OSBPL10: variants seen among roughly 807,000 people sequenced by gnomAD.
OSBPL10 encodes oxysterol binding protein like 10, also known as oxysterol-binding protein-related protein 10.
In OSBPL10, 49 loss-of-function variants were observed where a neutral mutation model predicts 81.7. That is an observed-to-expected ratio of 0.60 (90% CI 0.48 to 0.76). The LOEUF (loss-of-function observed/expected upper bound fraction) is 0.76. Among genes scored for constraint, OSBPL10 ranks in the 30% least tolerant of loss-of-function variants. OSBPL10 has a pLI of 0.00. For synonymous variants in OSBPL10, 419 were observed against 383.6 expected (o/e 1.09, Z -1.08); for missense variants, 923 against 987.8 (o/e 0.93, Z 0.88).
Position 31,990,905 on chromosome 3 carries a change from G to T in OSBPL10, n.298+55586C>A, listed in dbSNP as rs4955216. 0.22 allele frequency: 350,719 copies of T among 1,573,916 alleles called. 51,062 individuals are homozygous for T. The highest frequency in any genetic ancestry group is 0.7 in the African/African-American group (51,449 of 73,828). On this transcript the variant is annotated intron_variant and non_coding_transcript_variant, in intron 2 of 3. Transcript: ENST00000479173. The stretch of plus-strand genomic sequence containing the variant: ...AAAGCCTTTACTTCACATTCACATC[G>T]CATTAGACATCAGAGAATCCATACC...
chr3:31,715,350 T>A (rs1450739272), intron 6 of OSBPL10, among the ~76,000 whole-genome samples: 1 of 152,174 alleles, frequency 6.6e-6, no homozygotes, highest in Non-Finnish European at 1.5e-5. Context: ...TTTGATGGCC[T>A]CCCAATCAAT....
At chr3:31,804,368 C>T (rs1479673186) in intron 4 of OSBPL10, among the ~76,000 whole-genome samples, 1 of 152,238 alleles carries the variant, frequency 6.6e-6, no homozygotes, top group East Asian at 1.9e-4. Context: ...GGTTAAAAAA[C>T]CCTGCTTGAG....
intron 6 of OSBPL10, among the ~76,000 whole-genome samples, chr3:31,732,187 G>C (rs1202348134): frequency 6.6e-6 from 1 of 152,158 alleles, no homozygotes; most frequent in East Asian, 1.9e-4. Context: ...TACATACAGA[G>C]CAAATGCCTT....
rs545308913 is a variant in OSBPL10, at chr3:31,867,916, T to C, written c.537+8517A>G. Among the ~76,000 whole-genome samples the C allele has an allele frequency of 1.0e-3, 152 of 152,282 alleles. 1 individual carries two copies. Among genetic ancestry groups the C allele is most frequent in the South Asian group, 1.7e-3 (8 of 4,820 alleles). Reference sequence around the variant, plus strand: ...GAAACAGGTCCCCAACTGAACACTCTCACAGTCACTTTAAAAATAAAACAG... The same window carrying C: ...GAAACAGGTCCCCAACTGAACACTCCCACAGTCACTTTAAAAATAAAACAG... On this transcript the variant is annotated intron_variant, in intron 3 of 11. Coordinates refer to ENST00000396556, the MANE Select transcript of OSBPL10 (RefSeq NM_017784.5).
At chr3:31,799,379 TAAAAAAAAAAAA>T (rs61157535) in intron 4 of OSBPL10, among the ~76,000 whole-genome samples, 14 of 56,214 alleles carry the variant, frequency 2.5e-4, no homozygotes, top group East Asian at 1.3e-3. Context: ...CCTATCTCTT[TAAAAAAAAAAAA>T]AAAAAAAAAA....
chr3:31,862,948 C>T (rs1701094304), intron 3 of OSBPL10, among the ~76,000 whole-genome samples: 1 of 152,122 alleles, frequency 6.6e-6, no homozygotes, highest in Non-Finnish European at 1.5e-5. Flanking sequence ...AACAAACTCA[C>T]ACAAAAACTG....
chr3:31,799,011 C>T (rs753287392), intron 4 of OSBPL10, among the ~76,000 whole-genome samples: 24 of 152,236 alleles, frequency 1.6e-4, no homozygotes, highest in Non-Finnish European at 1.8e-4. Flanking sequence ...GCTGATTCAC[C>T]GCTCACCTCC....
In OSBPL10 at chr3:31,744,679, C is replaced by A. The variant is rs1445119907; in HGVS notation, c.940+3231G>T. On this transcript the variant is annotated intron_variant, in intron 5 of 11. Transcript: ENST00000396556. ...TTTTAGGGACACTTCTTGGTCTCCC[C>A]TTTTCCCAATAATTTCCATTTCAAC... 2.0e-5 allele frequency among the ~76,000 whole-genome samples: 3 copies of A among 151,934 alleles called. No individual in the cohort carries two copies. The East Asian group carries it at 5.8e-4, about 29-fold the overall frequency.
chr3:31,985,196 A>G (rs549196334), upstream of OSBPL10, among the ~76,000 whole-genome samples: 1 of 152,332 alleles, frequency 6.6e-6, no homozygotes, highest in South Asian at 2.1e-4. Flanking sequence ...CCAAGATCAC[A>G]CCATTGCACT....
chr3:31,754,104 T>C (rs1697809257), intron 4 of OSBPL10, among the ~76,000 whole-genome samples: 1 of 152,044 alleles, frequency 6.6e-6, no homozygotes, highest in Admixed American at 6.6e-5. Context: ...CGCCCTTTAA[T>C]TCCCAGCCTA....
At chr3:31,799,941 C>G (rs1455539276) in intron 4 of OSBPL10, among the ~76,000 whole-genome samples, 3 of 152,212 alleles carry the variant, frequency 2.0e-5, no homozygotes. Flanking sequence ...AACTCCTGAC[C>G]TCATGATCCG....
upstream of OSBPL10, among the ~76,000 whole-genome samples, chr3:31,984,023 GTTTTT>G (rs145467997): frequency 2.0e-5 from 3 of 151,156 alleles, no homozygotes; most frequent in East Asian, 2.0e-4. Flanking sequence ...AGCCTAAGGG[GTTTTT>G]TTTGTTTTTG....
chr3:31,728,594 A>G (rs1323923842), intron 6 of OSBPL10, among the ~76,000 whole-genome samples: 1 of 152,252 alleles, frequency 6.6e-6, no homozygotes, highest in Non-Finnish European at 1.5e-5. Context: ...GGAATGCCTT[A>G]GAATGATTCA....
chr3:31,809,940 C>T (rs890747263), intron 4 of OSBPL10, among the ~76,000 whole-genome samples: 16 of 138,322 alleles, frequency 1.2e-4, no homozygotes, highest in East Asian at 2.2e-4. Flanking sequence ...GGAGTGATCT[C>T]GGTTCACCAC....
chr3:31,974,516 T>C (rs1463186740), intron 1 of OSBPL10, among the ~76,000 whole-genome samples: 1 of 152,144 alleles, frequency 6.6e-6, no homozygotes, highest in Non-Finnish European at 1.5e-5. Context: ...AATAGACAAA[T>C]GTGTTCAGTA....
intron 1 of OSBPL10, among the ~76,000 whole-genome samples, chr3:32,071,021 C>T (rs1699824629): frequency 1.3e-5 from 2 of 152,214 alleles, no homozygotes; most frequent in African/African-American, 4.8e-5. Context: ...CTCTGCTTCT[C>T]ACCTTATTCA....
At chr3:31,878,852 T>C (rs893631074) in intron 2 of OSBPL10, among the ~76,000 whole-genome samples, 2 of 151,226 alleles carry the variant, frequency 1.3e-5, no homozygotes, top group Admixed American at 6.6e-5. Context: ...TGTGTGTGCA[T>C]GCACTTGTGG....
intron 3 of OSBPL10, among the ~76,000 whole-genome samples, chr3:31,861,947 T>G (rs1406296975): frequency 6.6e-6 from 1 of 152,070 alleles, no homozygotes; most frequent in African/African-American, 2.4e-5. Context: ...AGCCTCGCAA[T>G]GGGGTCTCTC....
At chr3:31,705,383 C>T (rs552621143) in intron 6 of OSBPL10, among the ~76,000 whole-genome samples, 1 of 107,650 alleles carries the variant, frequency 9.3e-6, no homozygotes, top group Non-Finnish European at 1.8e-5. Context: ...CCCCCCCCCC[C>T]ACCCCCATCG....
Sources: allele counts gnomAD v4.1 joint callset (sites outside exome capture counted in the v4.1 genomes callset), GRCh38; gene constraint gnomAD v4.1.1; transcripts MANE v1.5; gene names NCBI Gene and HGNC (gene_info 2026-07-23, HGNC 2026-07-21).